Variants in CSMD3 observed in about 807,000 individuals in gnomAD.
CSMD3 encodes the protein CUB and Sushi multiple domains 3, also known as CUB and sushi domain-containing protein 3.
In CSMD3, 177 loss-of-function variants were observed where a neutral mutation model predicts 435.2. The ratio of observed to expected loss-of-function variants is 0.41; its 90% CI spans 0.36 to 0.46. The LOEUF (loss-of-function observed/expected upper bound fraction) is 0.46. Ranked by LOEUF, CSMD3 falls within the 20% of genes least tolerant of loss-of-function variation. The probability of loss-of-function intolerance (pLI) is 0.34; values close to 1 mark genes in which losing one functional copy is unlikely to be tolerated. For synonymous variants in CSMD3, 1,656 were observed against 1,520.5 expected (o/e 1.09, Z -2.07); for missense variants, 4,265 against 4,504.6 (o/e 0.95, Z 1.52).
intron 42 of CSMD3, among the ~76,000 whole-genome samples, chr8:112,338,251 T>C (rs988414905): frequency 2.7e-5 from 4 of 147,926 alleles, no homozygotes; most frequent in Admixed American, 6.7e-5. Context: ...AAAATTTTAT[T>C]TTAATATAAA....
chr8:112,336,568 C>A, intron 44 of CSMD3, 84 bp downstream of exon 44: 1 of 1,050,616 alleles, frequency 9.5e-7, no homozygotes, highest in South Asian at 1.3e-5. Flanking sequence ...CAATTTGTAA[C>A]AGAGGATTGT....
chr8:112,913,240 T>G (rs912826446), intron 10 of CSMD3, among the ~76,000 whole-genome samples: 1 of 151,904 alleles, frequency 6.6e-6, no homozygotes, highest in African/African-American at 2.4e-5. Flanking sequence ...GTGGTATGGT[T>G]TCAGGATGAT....
In CSMD3 at chr8:112,224,149, A is replaced by G. The variant is rs1812372404; in HGVS notation, c.*622T>C. 6.5e-6 allele frequency: 1 copy of G among 154,568 alleles called. No homozygotes were observed. The highest frequency in any genetic ancestry group is 1.4e-5 in the Non-Finnish European group (1 of 69,570). 9.6% of individuals were successfully genotyped at this position (154,568 alleles called of 1,614,324 possible). On this transcript the variant is annotated 3_prime_UTR_variant, in exon 71 of 71. Coordinates refer to ENST00000297405, the MANE Select transcript of CSMD3 (RefSeq NM_198123.2). The stretch of plus-strand genomic sequence containing the variant: ...CTATGACAACCAGTCTAAAAGAAGA[A>G]GAGCAATATGATGCTAAAGAAATAG...
Position 113,288,051 on chromosome 8 carries a change from C to G in CSMD3, c.402-9347G>C, listed in dbSNP as rs979070516. 2.6e-5 allele frequency among the ~76,000 whole-genome samples: 4 copies of G among 151,868 alleles called. No individual in the cohort carries two copies. The South Asian group carries it at 8.3e-4, about 31-fold the overall frequency. ...GTTATTTTCTAGTAAATTATTTTCA[C>G]TCTTTTTGTTACAAAAGTGTTCCTT... On this transcript the variant is annotated intron_variant, in intron 2 of 70. Transcript: ENST00000297405.
At chr8:112,772,256 AC>A (rs1343773427) in intron 13 of CSMD3, among the ~76,000 whole-genome samples, 1 of 152,074 alleles carries the variant, frequency 6.6e-6, no homozygotes, top group African/African-American at 2.4e-5. Context: ...TTTGTTCTGT[AC>A]TAAGAAAAAT....
intron 13 of CSMD3, among the ~76,000 whole-genome samples, chr8:112,741,961 A>T (rs1018541705): frequency 6.6e-6 from 1 of 151,964 alleles, no homozygotes; most frequent in Non-Finnish European, 1.5e-5. Flanking sequence ...AAGCAAAGAA[A>T]GAGCAATAGA....
intron 32 of CSMD3, among the ~76,000 whole-genome samples, chr8:112,443,101 G>A (rs1815219120): frequency 2.0e-5 from 3 of 152,166 alleles, no homozygotes; most frequent in East Asian, 3.9e-4. Context: ...CTGGTGCCAG[G>A]AACTTAGGTA....
At chr8:112,494,560 TTTCTTTC>T (rs1821132647) in intron 30 of CSMD3, among the ~76,000 whole-genome samples, 1 of 133,330 alleles carries the variant, frequency 7.5e-6, no homozygotes, top group Non-Finnish European at 1.6e-5. Context: ...TCTTTCTTTC[TTTCTTTC>T]TTTCTTTTCT....
chr8:112,443,910 A>C (rs1815315916), intron 32 of CSMD3, among the ~76,000 whole-genome samples: 2 of 152,126 alleles, frequency 1.3e-5, no homozygotes, highest in African/African-American at 4.8e-5. Flanking sequence ...CATTATGTTG[A>C]CACATTTAAT....
At chr8:112,476,882 T>A (rs1214462795) in intron 31 of CSMD3, among the ~76,000 whole-genome samples, 1 of 152,216 alleles carries the variant, frequency 6.6e-6, no homozygotes, top group Non-Finnish European at 1.5e-5. Flanking sequence ...AATTTCTGCA[T>A]GTGCTCTTTG....
At chr8:112,465,210 T>C (rs1328186640) in intron 32 of CSMD3, among the ~76,000 whole-genome samples, 2 of 152,158 alleles carry the variant, frequency 1.3e-5, no homozygotes, top group Non-Finnish European at 2.9e-5. Flanking sequence ...TGCCCCCTCG[T>C]GGTGAATTAC....
At chr8:112,856,688 T>C (rs1163162551) in intron 11 of CSMD3, among the ~76,000 whole-genome samples, 1 of 151,892 alleles carries the variant, frequency 6.6e-6, no homozygotes, top group Non-Finnish European at 1.5e-5. Flanking sequence ...GTTTTAAATC[T>C]CAGGTTACTT....
intron 4 of CSMD3, among the ~76,000 whole-genome samples, chr8:113,119,777 A>G (rs1209181743): frequency 6.6e-6 from 1 of 152,134 alleles, no homozygotes; most frequent in Non-Finnish European, 1.5e-5. Context: ...AACATTTCTT[A>G]CTGGGTAAAT....
intron 30 of CSMD3, among the ~76,000 whole-genome samples, chr8:112,494,432 T>G: frequency 6.6e-6 from 1 of 151,640 alleles, no homozygotes; most frequent in Non-Finnish European, 1.5e-5. Context: ...TCTCTCTTTC[T>G]TTCTTTGTTT....
At chr8:112,510,244 C>T (rs1369530573) in intron 28 of CSMD3, among the ~76,000 whole-genome samples, 8 of 152,132 alleles carry the variant, frequency 5.3e-5, no homozygotes, top group African/African-American at 9.7e-5. Flanking sequence ...AACATCTAAT[C>T]GTACTATGTA....
intron 63 of CSMD3, among the ~76,000 whole-genome samples, chr8:112,248,867 G>T (rs1402989759): frequency 2.0e-5 from 3 of 151,984 alleles, no homozygotes; most frequent in African/African-American, 7.2e-5. Flanking sequence ...GCCTCTAGAA[G>T]ATCTCTTATC....
intron 6 of CSMD3, among the ~76,000 whole-genome samples, chr8:113,004,828 T>C (rs1340200022): frequency 6.6e-6 from 1 of 151,794 alleles, no homozygotes; most frequent in Non-Finnish European, 1.5e-5. Context: ...GTTTAGTAAA[T>C]TTTATTAAGA....
chr8:112,993,169 G>T (rs1389522680), intron 6 of CSMD3, among the ~76,000 whole-genome samples: 1 of 151,754 alleles, frequency 6.6e-6, no homozygotes, highest in East Asian at 1.9e-4. Flanking sequence ...TGAAACCAAT[G>T]TTCCAAATAA....
At chr8:112,813,104 C>T (rs1218815271) in intron 12 of CSMD3, among the ~76,000 whole-genome samples, 1 of 152,110 alleles carries the variant, frequency 6.6e-6, no homozygotes, top group Non-Finnish European at 1.5e-5. Flanking sequence ...TGCCTAGCCA[C>T]GCCAAAGAAT....
Sources: gnomAD v4.1 joint callset for allele counts (sites outside exome capture counted in the v4.1 genomes callset) on GRCh38, gnomAD v4.1.1 for gene constraint, MANE v1.5 for transcripts, NCBI Gene and HGNC (gene_info 2026-07-23, HGNC 2026-07-21) for gene names.